POLN: variants seen among roughly 807,000 people sequenced by gnomAD.
POLN encodes DNA polymerase nu.
A neutral mutation model predicts 113.5 loss-of-function variants in POLN; 108 were observed. The ratio of observed to expected loss-of-function variants is 0.95; its 90% CI spans 0.81 to 1.12. The LOEUF (loss-of-function observed/expected upper bound fraction) is 1.12. Among genes scored for constraint, POLN ranks in the 50% most tolerant of loss-of-function variants. The pLI, the probability that POLN is intolerant of heterozygous loss-of-function variation, is 0.00. For missense variants in POLN, 1,097 were observed against 1,077.1 expected (o/e 1.02, Z -0.26); for synonymous variants, 386 against 391.5 (o/e 0.99, Z 0.17).
intron 19 of POLN, among the ~76,000 whole-genome samples, chr4:2,113,170 G>C (rs1052808788): frequency 6.8e-6 from 1 of 146,844 alleles, no homozygotes; most frequent in African/African-American, 2.5e-5. Flanking sequence ...CTCACTCATA[G>C]GTGGGAATTG....
chr4:2,183,390 AAAC>A (rs1733190799), intron 7 of POLN, among the ~76,000 whole-genome samples: 1 of 152,250 alleles, frequency 6.6e-6, no homozygotes, highest in Non-Finnish European at 1.5e-5. Flanking sequence ...CTAAAAGTGA[AAAC>A]AACTCAAATG....
At chr4:2,137,322 T>C (rs1361511921) in intron 16 of POLN, among the ~76,000 whole-genome samples, 1 of 152,202 alleles carries the variant, frequency 6.6e-6, no homozygotes, top group South Asian at 2.1e-4. Flanking sequence ...GCCTCCAGGG[T>C]CCGCCAGACA....
chr4:2,204,109 C>CAAAAAAAA (rs566255148), intron 5 of POLN, among the ~76,000 whole-genome samples: 84 of 53,150 alleles, frequency 1.6e-3, no homozygotes, highest in Non-Finnish European at 2.3e-3. Context: ...AACTCTATCA[C>CAAAAAAAA]AAAAAAAAAA....
intron 19 of POLN, among the ~76,000 whole-genome samples, chr4:2,106,184 T>C (rs991183912): frequency 2.6e-5 from 4 of 152,166 alleles, no homozygotes; most frequent in Admixed American, 2.6e-4. Flanking sequence ...GAAATGAAGA[T>C]GTTCTCTCTG....
intron 2 of POLN, chr4:2,232,030 C>T (rs1040362356): frequency 8.9e-5 from 135 of 1,517,406 alleles, no homozygotes; most frequent in Non-Finnish European, 1.1e-4. Context: ...ATAGAATTCT[C>T]TTTCCATTTG....
chr4:2,077,708 A>G (rs565294091), intron 23 of POLN, among the ~76,000 whole-genome samples: 1 of 152,318 alleles, frequency 6.6e-6, no homozygotes, highest in East Asian at 1.9e-4. Flanking sequence ...TTGAAATTAC[A>G]TTGTGAAATT....
In POLN at chr4:2,180,881, T is replaced by C. The variant is rs534511349; in HGVS notation, c.1022-1416A>G. On this transcript the variant is annotated intron_variant, in intron 7 of 25. Coordinates refer to ENST00000511885, the MANE Select transcript of POLN (RefSeq NM_181808.4). ...AAAAAGAAATGCTAACAAAATAAGA[T>C]TTAAAACAAACTCAGAAAATTAAGA... 7.2e-5 allele frequency among the ~76,000 whole-genome samples: 11 copies of C among 151,964 alleles called. No individual in the cohort carries two copies. The South Asian group carries it at 2.3e-3, about 32-fold the overall frequency.
chr4:2,114,100 T>C (rs1423540828), intron 19 of POLN, among the ~76,000 whole-genome samples: 1 of 151,728 alleles, frequency 6.6e-6, no homozygotes, highest in African/African-American at 2.4e-5. Context: ...TGTTTCTTCA[T>C]GTTTCCAAGG....
Position 2,128,246 on chromosome 4 carries a change from CATTA to C in POLN, c.1868-23_1868-20del, listed in dbSNP as rs1252724465. ...GAAAAGTCTGTGAGATACAGTTCTG[CATTA>C]ATTTAGAGTTTGCCAGCAATGTTCC... is the stretch of plus-strand genomic sequence containing the variant. On this transcript the variant is annotated intron_variant, in intron 18 of 25. Coordinates refer to ENST00000511885, the MANE Select transcript of POLN (RefSeq NM_181808.4). 6.6e-7 allele frequency: 1 copy of C among 1,517,216 alleles called. No homozygotes were observed. The allele number at this position is 1,517,216 out of a possible 1,614,324, so 94.0% of individuals were successfully genotyped here. A position where few individuals can be genotyped will look rare whatever the true frequency, so the allele number is the denominator to read the frequency against.
At chr4:2,212,993 C>A in intron 4 of POLN, 54 bp downstream of exon 4, 1 of 1,257,774 alleles carries the variant, frequency 8.0e-7, no homozygotes, top group Non-Finnish European at 1.1e-6. Flanking sequence ...TAATAAGCAT[C>A]TATTGAACAA....
intron 18 of POLN, 120 bp downstream of exon 18, chr4:2,129,056 CAAA>C (rs542873881): frequency 0.033 from 9,457 of 282,376 alleles, no homozygotes; most frequent in South Asian, 0.05. Flanking sequence ...ACTCTTGTCT[CAAA>C]AAAAAAAAAA....
chr4:2,150,149 TAC>T (rs1553898154), intron 16 of POLN, among the ~76,000 whole-genome samples: 2 of 151,514 alleles, frequency 1.3e-5, no homozygotes, highest in Non-Finnish European at 2.9e-5. Context: ...GAGAGACACA[TAC>T]ACACACACAC....
intron 19 of POLN, among the ~76,000 whole-genome samples, chr4:2,123,578 T>A (rs187911528): frequency 6.8e-6 from 1 of 146,328 alleles, no homozygotes; most frequent in African/African-American, 2.6e-5. Context: ...TGAGCCAAGA[T>A]TGCACCACTG....
In POLN at chr4:2,198,599, T is replaced by C; in HGVS notation, c.833A>G (p.Asp278Gly). 6.2e-7 allele frequency: 1 copy of C among 1,613,904 alleles called. No individual in the cohort carries two copies. Among genetic ancestry groups the C allele is most frequent in the Non-Finnish European group, 8.5e-7 (1 of 1,179,960 alleles). ...GPVLEGFVSD[D>G]PCIYIQIEHS... ...CTCTATTTGAATGTAGATGCATGGA[T>C]CATCTGACACAAAGCCCTCCAGAAC... The change falls in exon 6 of 26, where the codon GAT (aspartate) becomes GGT (glycine). Residue 278 changes from aspartate to glycine, a missense_variant. Transcript: ENST00000511885.
intron 8 of POLN, among the ~76,000 whole-genome samples, chr4:2,178,614 G>GTTTT (rs869253023): frequency 7.0e-6 from 1 of 142,100 alleles, no homozygotes. Flanking sequence ...GCCCAAGACA[G>GTTTT]TTTTTTTTTT....
rs77591308 is a variant in POLN, at chr4:2,172,298, C to A, written c.1375-1117G>T. On this transcript the variant is annotated intron_variant, in intron 11 of 25. Transcript: ENST00000511885. ...CTGGGCTCAACTGCAATGACCACAACATCCTGGAAAACAGCTAGATTTTGC... is the reference window on the plus strand; with the variant it reads ...CTGGGCTCAACTGCAATGACCACAAAATCCTGGAAAACAGCTAGATTTTGC... 5.0e-3 allele frequency among the ~76,000 whole-genome samples: 760 copies of A among 152,320 alleles called. 4 individuals carry two copies. Among genetic ancestry groups the A allele is most frequent in the African/African-American group, 0.017 (719 of 41,562 alleles).
At position 2,156,804 on chromosome 4, in the gene POLN, A is replaced by C; in HGVS notation, c.1715T>G (p.Leu572Arg). 1 of 1,613,102 alleles carries C rather than the reference A, an allele frequency of 6.2e-7. No homozygotes were observed. The highest frequency in any genetic ancestry group is 8.5e-7 in the Non-Finnish European group (1 of 1,178,998). ...ACAACTTACAGGATGCTTGGCTGAA[A>C]GTCTTCCAGTCACAGTTCCAGTCTG... The part of the protein sequence containing the change: ...WNQTGTVTGR[L>R]SAKHPNIQGI... The change falls in exon 16 of 26, where the codon CTT (leucine) becomes CGT (arginine). Residue 572 changes from leucine (L) to arginine (R), a missense_variant. By Grantham distance (102) the Leu-to-Arg change is moderately radical (BLOSUM62 -2). Coordinates refer to ENST00000511885, the MANE Select transcript of POLN (RefSeq NM_181808.4).
Position 2,174,716 on chromosome 4 carries a change from C to T in POLN, c.1284G>A (p.Glu428=), listed in dbSNP as rs779139764. 5.6e-6 allele frequency: 9 copies of T among 1,610,180 alleles called. No homozygotes were observed. In the Admixed American group the frequency reaches 1.0e-4, roughly 18 times the overall value. ...CTGCCAAAATTGGTATCAGAGGAAG[C>T]TCCAAAGTACGAAATAGTTGCCATA... The part of the protein sequence containing the change: ...YGLWQLFRTL[E]LPLIPILAVM... Residue 428 remains glutamate, a synonymous_variant, in exon 10 of 26, where the codon GAG becomes GAA. Coordinates refer to ENST00000511885, the MANE Select transcript of POLN (RefSeq NM_181808.4).
chr4:2,089,505 G>C, intron 20 of POLN: 1 of 1,338,354 alleles, frequency 7.5e-7, no homozygotes. Flanking sequence ...TTTCACACTG[G>C]GAAAACTGCA....
Sources: gnomAD v4.1 joint callset for allele counts (sites outside exome capture counted in the v4.1 genomes callset) on GRCh38, gnomAD v4.1.1 for gene constraint, MANE v1.5 for transcripts, NCBI Gene and HGNC (gene_info 2026-07-23, HGNC 2026-07-21) for gene names.